DDAH1: variants seen among roughly 807,000 people sequenced by gnomAD.
DDAH1 encodes the protein dimethylarginine dimethylaminohydrolase 1, also known as N(G),N(G)-dimethylarginine dimethylaminohydrolase 1.
Under a neutral mutation model 28.8 loss-of-function variants are expected in DDAH1, and 19 were observed. The ratio of observed to expected loss-of-function variants is 0.66; its 90% CI spans 0.46 to 0.97. The LOEUF is 0.97. Among genes scored for constraint, DDAH1 ranks in the 50% least tolerant of loss-of-function variants. The pLI, the probability that DDAH1 is intolerant of heterozygous loss-of-function variation, is 0.00. For missense variants in DDAH1, 326 were observed against 375.9 expected (o/e 0.87, Z 1.10); for synonymous variants, 153 against 154.4 (o/e 0.99, Z 0.07).
At chr1:85,537,347 A>ATAC (rs1296081802) in intron 1 of DDAH1, among the ~76,000 whole-genome samples, 2 of 151,926 alleles carry the variant, frequency 1.3e-5, no homozygotes, top group East Asian at 3.9e-4. Flanking sequence ...AATAATAATA[A>ATAC]TAATAAAAAA....
At chr1:85,575,279 A>G (rs1557775740) in intron 1 of DDAH1, among the ~76,000 whole-genome samples, 1 of 152,156 alleles carries the variant, frequency 6.6e-6, no homozygotes, top group Non-Finnish European at 1.5e-5. Context: ...ACAAAAACAG[A>G]CTGGGTCCAC....
chr1:85,458,695 C>T (rs1655005128), intron 1 of DDAH1, among the ~76,000 whole-genome samples: 1 of 152,024 alleles, frequency 6.6e-6, no homozygotes, highest in Non-Finnish European at 1.5e-5. Flanking sequence ...TATCTAATAT[C>T]AGTTTAGGGG....
chr1:85,343,585 C>CAGAG (rs1356864588), intron 4 of DDAH1, among the ~76,000 whole-genome samples: 2 of 152,206 alleles, frequency 1.3e-5, no homozygotes, highest in Non-Finnish European at 2.9e-5. Context: ...CCTTTCATAG[C>CAGAG]AGAGACTCAA....
chr1:85,479,234 C>T (rs1365768323), intron 2 of DDAH1, among the ~76,000 whole-genome samples: 1 of 136,128 alleles, frequency 7.3e-6, no homozygotes, highest in Non-Finnish European at 1.5e-5. Context: ...ACTGCAGTGG[C>T]GCGATCTCGG....
At chr1:85,394,645 G>C (rs979869242) in intron 1 of DDAH1, among the ~76,000 whole-genome samples, 1 of 152,112 alleles carries the variant, frequency 6.6e-6, no homozygotes, top group Non-Finnish European at 1.5e-5. Flanking sequence ...ACTAACATTG[G>C]CATACTGTAA....
chr1:85,524,812 C>G (rs2051002), intron 1 of DDAH1, among the ~76,000 whole-genome samples: 5,505 of 150,698 alleles, frequency 0.037, 158 homozygotes, highest in South Asian at 0.1. Context: ...AGTGTCCCAA[C>G]AAGAAAAATG....
rs552612360 is a variant in DDAH1 at position 85,319,692 on chromosome 1, G to T, written c.*1760C>A. ...TTCAAAATATGACAGTGACCAAGAC[G>T]TGGTTTATTCACAGGATGCACATAA... On this transcript the variant is annotated 3_prime_UTR_variant, in exon 6 of 6. Coordinates refer to ENST00000284031, the MANE Select transcript of DDAH1 (RefSeq NM_012137.4). 6.6e-6 allele frequency: 1 copy of T among 152,170 alleles called. No individual in the cohort carries two copies. The highest frequency in any genetic ancestry group is 2.1e-4 in the South Asian group (1 of 4,838). 9.4% of individuals were successfully genotyped at this position (152,170 alleles called of 1,614,324 possible).
chr1:85,515,233 A>T (rs1322770423), intron 1 of DDAH1, among the ~76,000 whole-genome samples: 4 of 151,432 alleles, frequency 2.6e-5, no homozygotes, highest in Non-Finnish European at 4.4e-5. Context: ...CTTAAAAAAA[A>T]AAAATTACGA....
chr1:85,456,684 T>A (rs1654895108), intron 1 of DDAH1, among the ~76,000 whole-genome samples: 1 of 152,224 alleles, frequency 6.6e-6, no homozygotes, highest in Non-Finnish European at 1.5e-5. Flanking sequence ...TATTGCCAAC[T>A]TAAGATACGT....
At chr1:85,543,211 T>G (rs1658523894) in intron 1 of DDAH1, among the ~76,000 whole-genome samples, 2 of 152,218 alleles carry the variant, frequency 1.3e-5, no homozygotes, top group African/African-American at 2.4e-5. Flanking sequence ...TCCTCTCTCA[T>G]CTCAAGAATT....
chr1:85,417,443 C>G (rs942935953), intron 1 of DDAH1, among the ~76,000 whole-genome samples: 5 of 152,164 alleles, frequency 3.3e-5, no homozygotes, highest in African/African-American at 9.7e-5. Flanking sequence ...ATATCACCAC[C>G]CCCACACCCT....
intron 4 of DDAH1, among the ~76,000 whole-genome samples, chr1:85,347,615 G>T (rs549488155): frequency 6.6e-6 from 1 of 151,998 alleles, no homozygotes; most frequent in African/African-American, 2.4e-5. Flanking sequence ...GGGGCCTGTC[G>T]TGGGATGGGG....
intron 1 of DDAH1, among the ~76,000 whole-genome samples, chr1:85,432,826 G>A (rs1015852146): frequency 6.6e-6 from 1 of 152,150 alleles, no homozygotes; most frequent in African/African-American, 2.4e-5. Context: ...TGGTATTTCA[G>A]CATCTTGAAG....
At chr1:85,401,033 CA>C (rs1328491860) in intron 1 of DDAH1, among the ~76,000 whole-genome samples, 1 of 152,154 alleles carries the variant, frequency 6.6e-6, no homozygotes, top group African/African-American at 2.4e-5. Flanking sequence ...ACATTGTAGG[CA>C]AATGTCCAGG....
chr1:85,532,150 A>C (rs1158427964), intron 1 of DDAH1, among the ~76,000 whole-genome samples: 1 of 151,336 alleles, frequency 6.6e-6, no homozygotes, highest in Non-Finnish European at 1.5e-5. Context: ...TGTCTTAGAG[A>C]CCCCATAGTC....
chr1:85,573,543 T>C (rs180930197), intron 1 of DDAH1, among the ~76,000 whole-genome samples: 29 of 152,238 alleles, frequency 1.9e-4, no homozygotes, highest in African/African-American at 7.0e-4. Flanking sequence ...TTCTGTAAGG[T>C]AAGGGAGTTA....
chr1:85,389,369 T>C (rs1651430518), intron 1 of DDAH1, among the ~76,000 whole-genome samples: 1 of 152,238 alleles, frequency 6.6e-6, no homozygotes, highest in South Asian at 2.1e-4. Flanking sequence ...AAATGTTCAA[T>C]AAATATTATT....
chr1:85,421,714 G>A (rs1653148790), intron 1 of DDAH1, among the ~76,000 whole-genome samples: 1 of 151,970 alleles, frequency 6.6e-6, no homozygotes, highest in Non-Finnish European at 1.5e-5. Flanking sequence ...TTTTTGGATT[G>A]GCTGCTTTCA....
At chr1:85,429,210 C>T (rs1653555199) in intron 1 of DDAH1, among the ~76,000 whole-genome samples, 1 of 151,646 alleles carries the variant, frequency 6.6e-6, no homozygotes, top group African/African-American at 2.4e-5. Flanking sequence ...GTTCCCCTCC[C>T]TGTGTCCATG....
Sources: allele counts gnomAD v4.1 joint callset (sites outside exome capture counted in the v4.1 genomes callset), GRCh38; gene constraint gnomAD v4.1.1; transcripts MANE v1.5; gene names NCBI Gene and HGNC (gene_info 2026-07-23, HGNC 2026-07-21).